The following GSE1 variants were observed in gnomAD, a reference collection of about 807,000 sequenced individuals.
The protein encoded by GSE1 is genetic suppressor element 1.
Under a neutral mutation model 112.6 loss-of-function variants are expected in GSE1, and 32 were observed. That is an observed-to-expected ratio of 0.28 (90% CI 0.21 to 0.38). The LOEUF (loss-of-function observed/expected upper bound fraction) is 0.38, where lower values mean the gene tolerates loss of function less well. Among genes scored for constraint, GSE1 ranks in the 10% least tolerant of loss-of-function variants. GSE1 has a pLI of 1.00. For missense variants in GSE1, 2,348 were observed against 1,699.2 expected, an observed-to-expected ratio of 1.38 and a Z score of -6.71; for synonymous variants, 1,115 against 735.6, an observed-to-expected ratio of 1.52 and a Z score of -8.35.
At chr16:85,611,257 T>G (rs2047960230), upstream of GSE1, among the ~76,000 whole-genome samples, 2 of 150,110 alleles carry the variant, frequency 1.3e-5, no homozygotes, top group South Asian at 2.1e-4. Flanking sequence ...TCCTAACACC[T>G]CCCTATCCTC....
chr16:85,517,131 G>A (rs1364858068), intron 2 of GSE1, among the ~76,000 whole-genome samples: 1 of 152,178 alleles, frequency 6.6e-6, no homozygotes, highest in Non-Finnish European at 1.5e-5. Context: ...GTGGGTGGGG[G>A]CTTCTGCCTT....
At chr16:85,283,672 G>A (rs2044925889) in intron 1 of GSE1, 1 of 152,308 alleles carries the variant, frequency 6.6e-6, no homozygotes, top group Non-Finnish European at 1.5e-5. Context: ...CCAAGGAAGG[G>A]CGCTGAATTG....
intron 1 of GSE1, among the ~76,000 whole-genome samples, chr16:85,331,986 T>C (rs567033944): frequency 6.6e-6 from 1 of 152,098 alleles, no homozygotes; most frequent in Non-Finnish European, 1.5e-5. Flanking sequence ...ATCACCTTTA[T>C]GGCAATTCTG....
intron 1 of GSE1, among the ~76,000 whole-genome samples, chr16:85,207,559 A>AC (rs1555539636): frequency 6.6e-6 from 1 of 151,798 alleles, no homozygotes; most frequent in African/African-American, 2.4e-5. Context: ...GCGGCAGGAG[A>AC]TCTTCTCAGA....
intron 2 of GSE1, among the ~76,000 whole-genome samples, chr16:85,471,691 C>T (rs1185062717): frequency 6.6e-6 from 1 of 150,876 alleles, no homozygotes; most frequent in African/African-American, 2.4e-5. Context: ...AGACATGAGC[C>T]ACTGCACCCA....
Position 85,412,826 on chromosome 16 carries a change from C to T in GSE1, c.2464+55183C>T, listed in dbSNP as rs112039315. ...TTGATTTAATCACACCTGCAAACAC[C>T]CTTACCTTTTTGCCATATAAAGCCG... is the stretch of plus-strand genomic sequence containing the variant. On this transcript the variant is annotated intron_variant, in intron 2 of 2. Transcript: ENST00000637419. Among the ~76,000 whole-genome samples, 970 of 152,320 alleles carry T rather than the reference C, an allele frequency of 6.4e-3. 6 individuals carry two copies. Among genetic ancestry groups the T allele is most frequent in the African/African-American group, 0.017 (707 of 41,556 alleles).
At chr16:85,493,222 G>C (rs1212613248) in intron 2 of GSE1, among the ~76,000 whole-genome samples, 2 of 152,186 alleles carry the variant, frequency 1.3e-5, no homozygotes, top group African/African-American at 4.8e-5. Flanking sequence ...AGCTGAGGCA[G>C]GGGGATTGCT....
chr16:85,537,080 C>T (rs554153544), intron 2 of GSE1, among the ~76,000 whole-genome samples: 5 of 152,310 alleles, frequency 3.3e-5, no homozygotes, highest in South Asian at 2.1e-4. Context: ...CCAGTGAAGC[C>T]GAGATGCAGA....
chr16:85,211,270 G>A (rs1157855874), intron 1 of GSE1, among the ~76,000 whole-genome samples: 1 of 152,010 alleles, frequency 6.6e-6, no homozygotes, highest in Non-Finnish European at 1.5e-5. Context: ...GGGGTGCCAG[G>A]AGAGACTGGT....
Position 85,634,051 on chromosome 16 carries a change from G to T in GSE1, c.145G>T (p.Ala49Ser). The stretch of plus-strand genomic sequence containing the variant: ...CAGCGGCAGCCCCGCCACCAGCAGC[G>T]CGCTGTCGGCCCAGGCCGCGCCATC... ...VPSGSPATSSALSAQAAPSSS... is the reference protein window; with the variant it reads ...VPSGSPATSSSLSAQAAPSSS... The change falls in exon 2 of 16, where the codon GCG (alanine) becomes TCG (serine). Residue 49 changes from alanine to serine, a missense_variant. Transcript: ENST00000253458. 6.2e-7 allele frequency: 1 copy of T among 1,609,108 alleles called. No homozygotes were observed. Among genetic ancestry groups the T allele is most frequent in the Non-Finnish European group, 8.5e-7 (1 of 1,177,898 alleles).
intron 2 of GSE1, among the ~76,000 whole-genome samples, chr16:85,461,051 C>T (rs1373772189): frequency 1.3e-5 from 2 of 152,210 alleles, no homozygotes; most frequent in African/African-American, 4.8e-5. Context: ...GACCCAGGGA[C>T]CCTCTCTCCC....
intron 2 of GSE1, among the ~76,000 whole-genome samples, chr16:85,476,067 A>G (rs1167427253): frequency 1.3e-5 from 2 of 152,122 alleles, no homozygotes; most frequent in African/African-American, 4.8e-5. Flanking sequence ...AGGAGCCGGG[A>G]CGACAGTTGC....
intron 1 of GSE1, among the ~76,000 whole-genome samples, chr16:85,202,048 C>G (rs958971069): frequency 6.6e-6 from 1 of 152,182 alleles, no homozygotes; most frequent in African/African-American, 2.4e-5. Context: ...GAGTGCAAGT[C>G]CTGGTGGGTG....
At chr16:85,278,294 C>T (rs1411164308) in intron 1 of GSE1, among the ~76,000 whole-genome samples, 4 of 152,240 alleles carry the variant, frequency 2.6e-5, no homozygotes, top group African/African-American at 7.2e-5. Context: ...AGTGAGGCCA[C>T]ACTGGCGGGA....
intron 1 of GSE1, among the ~76,000 whole-genome samples, chr16:85,273,367 C>G (rs1909040773): frequency 6.6e-6 from 1 of 152,224 alleles, no homozygotes; most frequent in African/African-American, 2.4e-5. Context: ...ATGTTCATAA[C>G]AGCATTATGC....
At chr16:85,186,197 A>T (rs530801538) in intron 1 of GSE1, among the ~76,000 whole-genome samples, 23 of 152,324 alleles carry the variant, frequency 1.5e-4, no homozygotes, top group Non-Finnish European at 3.1e-4. Flanking sequence ...CAGGTTGGGT[A>T]CAGTGGCTCA....
intron 2 of GSE1, among the ~76,000 whole-genome samples, chr16:85,413,200 G>A (rs765313589): frequency 3.3e-5 from 5 of 152,228 alleles, no homozygotes; most frequent in East Asian, 1.9e-4. Flanking sequence ...GGCAGCGGCC[G>A]CTGTGAGTGA....
intron 1 of GSE1, among the ~76,000 whole-genome samples, chr16:85,622,552 A>C (rs1033334746): frequency 2.6e-5 from 4 of 152,210 alleles, no homozygotes; most frequent in African/African-American, 9.7e-5. Flanking sequence ...GGCTCTTCGA[A>C]CTTGGTAAAA....
chr16:85,475,781 T>C (rs11643645), intron 2 of GSE1, among the ~76,000 whole-genome samples: 9 of 75,578 alleles, frequency 1.2e-4, no homozygotes, highest in East Asian at 4.3e-4. Flanking sequence ...TTTTTCTTTT[T>C]TTTTTTTTTT....
Sources: allele counts gnomAD v4.1 joint callset (sites outside exome capture counted in the v4.1 genomes callset), GRCh38; gene constraint gnomAD v4.1.1; transcripts MANE v1.5; gene names NCBI Gene and HGNC (gene_info 2026-07-23, HGNC 2026-07-21).